The following ZNF577 variants were observed in gnomAD, a reference collection of about 807,000 sequenced individuals.
ZNF577 encodes zinc finger protein 577.
A neutral mutation model predicts 13.9 loss-of-function variants in ZNF577; 14 were observed. That is an observed-to-expected ratio of 1.00 (90% CI 0.66 to 1.57). ZNF577 has a LOEUF of 1.57. ZNF577 is among the 40% of genes most tolerant of loss of function. The probability of loss-of-function intolerance (pLI) is 0.00; values close to 1 mark genes in which losing one functional copy is unlikely to be tolerated. For missense variants in ZNF577, 555 were observed against 579.2 expected (o/e 0.96, Z 0.43); for synonymous variants, 203 against 202.9 (o/e 1.00, Z 0.00).
At chr19:51,882,085 C>G (rs2084870367) in intron 1 of ZNF577, among the ~76,000 whole-genome samples, 1 of 152,150 alleles carries the variant, frequency 6.6e-6, no homozygotes, top group Non-Finnish European at 1.5e-5. Context: ...GCCCTTCAGT[C>G]TAGCCTCCCT....
At chr19:51,829,220 G>A (rs1434312548) in intron 9 of ZNF577, among the ~76,000 whole-genome samples, 1 of 152,148 alleles carries the variant, frequency 6.6e-6, no homozygotes, top group Non-Finnish European at 1.5e-5. Context: ...GGACTGGGCA[G>A]CTCACAGACA....
downstream of ZNF577, among the ~76,000 whole-genome samples, chr19:51,866,498 A>G (rs570669554): frequency 2.2e-4 from 34 of 152,364 alleles, no homozygotes; most frequent in South Asian, 3.1e-3. Flanking sequence ...GATTCTTCCA[A>G]TAAGAGCCCT....
At position 51,868,664 on chromosome 19, in the gene ZNF577, C is replaced by T. The variant is rs1355669618; in HGVS notation, c.*3868G>A. Among the ~76,000 whole-genome samples the T allele has an allele frequency of 1.3e-5, 2 of 152,260 alleles. No individual in the cohort carries two copies. Among genetic ancestry groups the T allele is most frequent in the East Asian group, 1.9e-4 (1 of 5,170 alleles). ...CACCGGCTAAGGTTCTGACTACTACCGTCTTCAACTGCCTTGAACACCCAG... is the reference window on the plus strand; with the variant it reads ...CACCGGCTAAGGTTCTGACTACTACTGTCTTCAACTGCCTTGAACACCCAG... On this transcript the variant is annotated 3_prime_UTR_variant, in exon 6 of 6. Coordinates refer to ENST00000638348, the MANE Select transcript of ZNF577 (RefSeq NM_001370449.1).
At chr19:51,845,531 A>G (rs1394288110) in intron 5 of ZNF577, among the ~76,000 whole-genome samples, 1 of 152,122 alleles carries the variant, frequency 6.6e-6, no homozygotes, top group African/African-American at 2.4e-5. Context: ...CTTGTTATTT[A>G]CTACAGTCAC....
At chr19:51,819,125 A>G (rs910990960) in intron 9 of ZNF577, among the ~76,000 whole-genome samples, 3 of 152,234 alleles carry the variant, frequency 2.0e-5, no homozygotes, top group South Asian at 4.1e-4. Flanking sequence ...TTAGAGCTTT[A>G]ATAACTGAAT....
intron 9 of ZNF577, among the ~76,000 whole-genome samples, chr19:51,835,429 C>T (rs1181997192): frequency 6.7e-6 from 1 of 148,310 alleles, no homozygotes; most frequent in African/African-American, 2.5e-5. Context: ...AAAAAAACTT[C>T]AGGCTTGCAT....
At chr19:51,817,569 T>C (rs953827544) in intron 9 of ZNF577, 1 of 152,136 alleles carries the variant, frequency 6.6e-6, no homozygotes, top group African/African-American at 2.4e-5. Context: ...AAAAAGCAAC[T>C]TTGAAATGAC....
Position 51,877,373 on chromosome 19 carries a change from A to T in ZNF577, c.192T>A (p.Tyr64Ter). The change falls in exon 5 of 6, where the codon TAT becomes TAA. Residue 64 changes from tyrosine (Y) to a stop codon, truncating the protein, a stop_gained. Coordinates refer to ENST00000638348, the MANE Select transcript of ZNF577 (RefSeq NM_001370449.1). LOFTEE classifies it high-confidence loss of function. The part of the protein sequence containing the change: ...ENYINLVSIG[Y>*]RGTKPDSLFK... ...AGAGCGAATCTGGCTTGGTGCCTCG[A>T]TACCCTGTAAATGGGAGATCACTGA... 1 of 1,613,894 alleles carries T rather than the reference A, an allele frequency of 6.2e-7. No homozygotes were observed. Among genetic ancestry groups the T allele is most frequent in the African/African-American group, 1.3e-5 (1 of 75,010 alleles).
intron 9 of ZNF577, among the ~76,000 whole-genome samples, chr19:51,823,411 G>A (rs2084205188): frequency 6.6e-6 from 1 of 152,112 alleles, no homozygotes; most frequent in Admixed American, 6.5e-5. Flanking sequence ...TGAGTCTTGT[G>A]CCTTCCTCAC....
chr19:51,811,273 T>C (rs2084094806), intron 10 of ZNF577, among the ~76,000 whole-genome samples: 1 of 152,190 alleles, frequency 6.6e-6, no homozygotes, highest in Non-Finnish European at 1.5e-5. Context: ...ATGGGTTATG[T>C]GTAATAACCT....
At position 51,867,336 on chromosome 19, in the gene ZNF577, G is replaced by A. The variant is rs933819247; in HGVS notation, c.*5196C>T. ...GAAAAGGATATCATTTCTAAGGTAT[G>A]ATCTAGATATTGTCTTTTCTGATTC... is the stretch of plus-strand genomic sequence containing the variant. On this transcript the variant is annotated 3_prime_UTR_variant, in exon 6 of 6. Coordinates refer to ENST00000638348, the MANE Select transcript of ZNF577 (RefSeq NM_001370449.1). Among the ~76,000 whole-genome samples the A allele has an allele frequency of 6.6e-6, 1 of 152,120 alleles. No homozygotes were observed.
chr19:51,820,309 G>A (rs2084178845), intron 9 of ZNF577, among the ~76,000 whole-genome samples: 1 of 152,178 alleles, frequency 6.6e-6, no homozygotes, highest in Non-Finnish European at 1.5e-5. Flanking sequence ...CATTGAACAA[G>A]TCACTTCCCC....
At chr19:51,809,912 G>A (rs564478513) in intron 10 of ZNF577, among the ~76,000 whole-genome samples, 21 of 152,220 alleles carry the variant, frequency 1.4e-4, no homozygotes, top group Admixed American at 1.3e-3. Context: ...GTGGGGCCTG[G>A]GTCCAGGCCC....
intron 10 of ZNF577, among the ~76,000 whole-genome samples, chr19:51,809,017 C>G (rs2084079644): frequency 6.6e-6 from 1 of 152,164 alleles, no homozygotes; most frequent in Admixed American, 6.5e-5. Flanking sequence ...CGTCCTAGCC[C>G]TTTTCTATCT....
intron 5 of ZNF577, among the ~76,000 whole-genome samples, chr19:51,848,687 C>A (rs918386151): frequency 3.9e-5 from 6 of 152,146 alleles, no homozygotes; most frequent in African/African-American, 1.4e-4. Context: ...TCACAGGGAT[C>A]CTGTGTATCT....
Position 51,870,360 on chromosome 19 carries a change from T to C in ZNF577, c.*2172A>G, listed in dbSNP as rs2084639694. ...TTCTATTTCTTTATTAGTCTCTGTT[T>C]GGAAAATTGCTAACTTACTTGGAAA... On this transcript the variant is annotated 3_prime_UTR_variant, in exon 6 of 6. Coordinates refer to ENST00000638348, the MANE Select transcript of ZNF577 (RefSeq NM_001370449.1). Among the ~76,000 whole-genome samples the C allele has an allele frequency of 6.6e-6, 1 of 152,194 alleles. No homozygotes were observed. The highest frequency in any genetic ancestry group is 2.1e-4 in the South Asian group (1 of 4,832).
At chr19:51,863,571 G>T (rs1299541177), downstream of ZNF577, among the ~76,000 whole-genome samples, 1 of 152,182 alleles carries the variant, frequency 6.6e-6, no homozygotes, top group African/African-American at 2.4e-5. Flanking sequence ...TGTGGTGTGT[G>T]TGTATAGATA....
chr19:51,837,567 A>T (rs1034281136), intron 9 of ZNF577, among the ~76,000 whole-genome samples: 1 of 152,224 alleles, frequency 6.6e-6, no homozygotes, highest in Non-Finnish European at 1.5e-5. Context: ...CACAACATGA[A>T]TGCATCTCAA....
In ZNF577 at chr19:51,887,675, C is replaced by T. The variant is rs943190216; in HGVS notation, c.-1073G>A. The T allele has an allele frequency of 2.3e-4, 35 of 152,210 alleles. No individual in the cohort carries two copies. The highest frequency in any genetic ancestry group is 8.0e-4 in the African/African-American group (33 of 41,442). The allele number at this position is 152,210 out of a possible 1,614,324, so 9.4% of individuals were successfully genotyped here. On this transcript the variant is annotated 5_prime_UTR_variant, in exon 1 of 6. Coordinates refer to ENST00000638348, the MANE Select transcript of ZNF577 (RefSeq NM_001370449.1). ...GGTTCCAATGCGGAGACCATGGGCTCCCAGACTCTGGGAACTCCAACACGA... is the reference window on the plus strand; with the variant it reads ...GGTTCCAATGCGGAGACCATGGGCTTCCAGACTCTGGGAACTCCAACACGA...
Sources: gnomAD v4.1 joint callset for allele counts (sites outside exome capture counted in the v4.1 genomes callset) on GRCh38, gnomAD v4.1.1 for gene constraint, MANE v1.5 for transcripts, NCBI Gene and HGNC (gene_info 2026-07-23, HGNC 2026-07-21) for gene names.